TEDC1: variants seen among roughly 807,000 people sequenced by gnomAD.
TEDC1 encodes the protein tubulin epsilon and delta complex protein 1.
TEDC1 carries 54 observed loss-of-function variants against 59.9 expected under a neutral mutation model. The observed-to-expected ratio is 0.90, with a 90% CI of 0.72 to 1.13. The LOEUF (loss-of-function observed/expected upper bound fraction) is 1.13, where lower values mean the gene tolerates loss of function less well. Ranked by LOEUF, TEDC1 falls within the 50% of genes most tolerant of loss-of-function variation. TEDC1 has a pLI of 0.00. For missense variants in TEDC1, 734 were observed against 683.4 expected (o/e 1.07, Z -0.83); for synonymous variants, 353 against 298.1 (o/e 1.18, Z -1.90).
chr14:105,491,106 T>C, upstream of TEDC1: 2 of 1,551,254 alleles, frequency 1.3e-6, no homozygotes, highest in Non-Finnish European at 1.7e-6. Context: ...TGGATGCATG[T>C]CCGGCCAGCG....
chr14:105,497,771 C>A, intron 7 of TEDC1, 27 bp from the exon 8 acceptor site: 1 of 1,509,376 alleles, frequency 6.6e-7, no homozygotes, highest in Non-Finnish European at 8.9e-7. Context: ...TGGCTTGGTG[C>A]ACGCTGTCTC....
In TEDC1 at chr14:105,493,870, G is replaced by T; in HGVS notation, c.621G>T (p.Gln207His). The T allele has an allele frequency of 6.2e-7, 1 of 1,605,286 alleles. No individual in the cohort carries two copies. ...HLYTRGCHSDQSLSHLSVTEA... is the reference protein window; with the variant it reads ...HLYTRGCHSDHSLSHLSVTEA... ...ACACACGCGGCTGCCACAGCGACCA[G>T]AGCCTTAGCCATCTGTCTGTCACTG... Residue 207 changes from glutamine to histidine, a missense_variant, in exon 5 of 9, where the codon CAG becomes CAT. Physicochemically the swap from Gln to His is conservative, Grantham distance 24. Transcript: ENST00000392523.
Position 105,499,242 on chromosome 14 carries a change from C to T in TEDC1, c.*296C>T, listed in dbSNP as rs968099979. The stretch of plus-strand genomic sequence containing the variant: ...CAGCTTTCCTGCCGCTGGCCCTCCC[C>T]CTGCCACCCTGTCGGGTTTCCCTGT... On this transcript the variant is annotated 3_prime_UTR_variant, in exon 9 of 9. Transcript: ENST00000392523. 3.4e-5 allele frequency: 17 copies of T among 506,008 alleles called. No homozygotes were observed. Among genetic ancestry groups the T allele is most frequent in the Non-Finnish European group, 2.8e-5 (8 of 282,362 alleles). The allele number at this position is 506,008 out of a possible 1,614,324, so 31.3% of individuals were successfully genotyped here.
chr14:105,490,303 G>C (rs1595467424), upstream of TEDC1: 1 of 152,416 alleles, frequency 6.6e-6, no homozygotes, highest in Non-Finnish European at 1.5e-5. Context: ...GGGGTCCAGG[G>C]AGGACTGAGT....
intron 5 of TEDC1, 24 bp downstream of exon 5, chr14:105,493,957 G>A: frequency 1.1e-6 from 1 of 909,342 alleles, no homozygotes; most frequent in Non-Finnish European, 1.7e-6. Flanking sequence ...AGCTGCTGCG[G>A]GGGGGTGGGG....
chr14:105,493,426 T>C (rs587614036), intron 4 of TEDC1, among the ~76,000 whole-genome samples: 4 of 152,250 alleles, frequency 2.6e-5, no homozygotes, highest in South Asian at 4.1e-4. Context: ...CCAGCCTCCC[T>C]TTTTTGGGGA....
At chr14:105,495,681 C>T (rs2084328273) in intron 5 of TEDC1, 199 bp from the exon 6 acceptor site, 2 of 585,398 alleles carry the variant, frequency 3.4e-6, no homozygotes, top group Admixed American at 3.1e-5. Context: ...CAGCGAAGCC[C>T]AGGCTTCTGG....
At chr14:105,493,221 G>A (rs1410899854) in intron 4 of TEDC1, among the ~76,000 whole-genome samples, 1 of 152,122 alleles carries the variant, frequency 6.6e-6, no homozygotes. Context: ...TGTGAGGCCA[G>A]CGCTGACAGG....
chr14:105,491,784 G>A (rs1555439432), intron 2 of TEDC1, 84 bp downstream of exon 2: 5 of 1,170,504 alleles, frequency 4.3e-6, no homozygotes, highest in East Asian at 4.1e-5. Flanking sequence ...AGTAAGCCCC[G>A]CCCCGGCAGG....
At chr14:105,493,579 T>G (rs2084268605) in intron 4 of TEDC1, among the ~76,000 whole-genome samples, 1 of 152,048 alleles carries the variant, frequency 6.6e-6, no homozygotes, top group Non-Finnish European at 1.5e-5. Context: ...TGCTGCTGCT[T>G]GGAAGCTGGG....
At chr14:105,494,158 A>C in intron 5 of TEDC1, 1 of 576,960 alleles carries the variant, frequency 1.7e-6, no homozygotes, top group African/African-American at 1.9e-5. Context: ...ACAAATCAAG[A>C]CGTGGCACGG....
At chr14:105,498,534 T>G (rs2084398045) in intron 8 of TEDC1, 83 bp from the exon 9 acceptor site, 1 of 1,410,868 alleles carries the variant, frequency 7.1e-7, no homozygotes, top group Admixed American at 2.8e-5. Flanking sequence ...CGCCTGCACC[T>G]GAGTCTGGGC....
chr14:105,491,699 G>C lies in TEDC1; in HGVS notation c.225G>C (p.Leu75=), dbSNP rs182416581. 1 of 1,548,024 alleles carries C rather than the reference G, an allele frequency of 6.5e-7. No individual in the cohort carries two copies. The highest frequency in any genetic ancestry group is 2.0e-5 in the Admixed American group (1 of 50,976). ...GCAACGCCTTGGCATCGCTCGCCCT[G>C]GGTAAGCCCCGCTCCTGGCCCCGCC... ...PAGNALASLA[L]EVQARLVKSA... is the part of the protein sequence containing the mutation. The change falls in exon 2 of 9, where the codon CTG becomes CTC. Residue 75 remains leucine (L), a splice_region_variant and synonymous_variant. Coordinates refer to ENST00000392523, the MANE Select transcript of TEDC1 (RefSeq NM_001367178.1).
intron 6 of TEDC1, 35 bp downstream of exon 6, chr14:105,496,121 GCAGGACTT>G: frequency 8.2e-7 from 1 of 1,226,070 alleles, no homozygotes; most frequent in East Asian, 2.9e-5. Flanking sequence ...AGTGGAGACC[GCAGGACTT>G]GGGGGTGGGT....
chr14:105,492,344 G>A, intron 3 of TEDC1, 35 bp downstream of exon 3: 1 of 1,594,040 alleles, frequency 6.3e-7, no homozygotes, highest in Non-Finnish European at 8.5e-7. Flanking sequence ...AGCCAGCCCT[G>A]GTCTCAACTC....
At chr14:105,494,191 C>A (rs2084289753) in intron 5 of TEDC1, 3 of 552,592 alleles carry the variant, frequency 5.4e-6, no homozygotes, top group Admixed American at 3.2e-5. Flanking sequence ...GACGCAGGAG[C>A]CTGGGCTGGG....
intron 5 of TEDC1, chr14:105,494,170 T>G: frequency 1.7e-6 from 1 of 574,566 alleles, no homozygotes; most frequent in Non-Finnish European, 3.1e-6. Flanking sequence ...GTGGCACGGG[T>G]GGGGGCCCAG....
At chr14:105,491,245 C>T, upstream of TEDC1, 1 of 1,536,660 alleles carries the variant, frequency 6.5e-7, no homozygotes, top group Non-Finnish European at 8.7e-7. Context: ...TGATTGGGCT[C>T]AGGTTCCAGC....
intron 6 of TEDC1, 39 bp from the exon 7 acceptor site, chr14:105,497,318 C>T (rs370216697): frequency 2.0e-6 from 3 of 1,536,822 alleles, no homozygotes; most frequent in African/African-American, 2.7e-5. Context: ...CCATGGGGTC[C>T]CGTGTGAGGT....
Sources: allele counts gnomAD v4.1 joint callset (sites outside exome capture counted in the v4.1 genomes callset), GRCh38; gene constraint gnomAD v4.1.1; transcripts MANE v1.5; gene names NCBI Gene and HGNC (gene_info 2026-07-23, HGNC 2026-07-21).